The following CREM variants were observed in gnomAD, a reference collection of about 807,000 sequenced individuals.
CREM encodes cAMP-responsive element modulator.
In CREM, 13 loss-of-function variants were observed where a neutral mutation model predicts 37.3. The observed-to-expected ratio is 0.35, with a 90% CI of 0.23 to 0.55. The LOEUF (loss-of-function observed/expected upper bound fraction) is 0.55, where lower values mean the gene tolerates loss of function less well. Ranked by LOEUF, CREM falls within the 20% of genes least tolerant of loss-of-function variation. The probability of loss-of-function intolerance (pLI) is 0.88; values close to 1 mark genes in which losing one functional copy is unlikely to be tolerated. For missense variants in CREM, 296 were observed against 362.3 expected, an observed-to-expected ratio of 0.82 and a Z score of 1.49; for synonymous variants, 124 against 120.2, an observed-to-expected ratio of 1.03 and a Z score of -0.21.
At chr10:35,141,788 C>T (rs2091466812) in intron 2 of CREM, among the ~76,000 whole-genome samples, 1 of 152,062 alleles carries the variant, frequency 6.6e-6, no homozygotes, top group South Asian at 2.1e-4. Context: ...GAAAGCTAAG[C>T]AGAGTCCCGA....
intron 2 of CREM, 62 bp downstream of exon 2, chr10:35,137,941 A>C: frequency 7.5e-7 from 1 of 1,324,726 alleles, no homozygotes; most frequent in East Asian, 2.4e-5. Context: ...GTTCATGATG[A>C]ATAAATTGAT....
At chr10:35,156,240 CCTCTT>C (rs2092906126) in intron 3 of CREM, among the ~76,000 whole-genome samples, 1 of 147,478 alleles carries the variant, frequency 6.8e-6, no homozygotes, top group African/African-American at 2.5e-5. Context: ...TTCCCGGCCA[CCTCTT>C]TTCTTTTCTT....
intron 3 of CREM, among the ~76,000 whole-genome samples, chr10:35,150,003 T>C (rs2092476192): frequency 6.6e-6 from 1 of 150,748 alleles, no homozygotes; most frequent in Non-Finnish European, 1.5e-5. Context: ...ATATAAAAAC[T>C]ATCCATAATC....
chr10:35,173,279 A>G (rs1053116137), intron 3 of CREM, among the ~76,000 whole-genome samples: 2 of 152,196 alleles, frequency 1.3e-5, no homozygotes, highest in East Asian at 3.8e-4. Context: ...ATCCATGAAG[A>G]ATATCCATGA....
intron 6 of CREM, among the ~76,000 whole-genome samples, chr10:35,189,285 G>T (rs2094802615): frequency 1.3e-5 from 2 of 151,832 alleles, no homozygotes; most frequent in South Asian, 4.2e-4. Context: ...TAAAAGTTGA[G>T]ATGTAGCCCT....
At chr10:35,157,147 A>T (rs1372186502) in intron 3 of CREM, among the ~76,000 whole-genome samples, 1 of 152,336 alleles carries the variant, frequency 6.6e-6, no homozygotes, top group Non-Finnish European at 1.5e-5. Flanking sequence ...AAAAGACCAT[A>T]TCATCATCTC....
At chr10:35,205,913 A>G (rs1239426360) in intron 6 of CREM, among the ~76,000 whole-genome samples, 1 of 151,346 alleles carries the variant, frequency 6.6e-6, no homozygotes, top group African/African-American at 2.4e-5. Flanking sequence ...AGCCAAGATT[A>G]CACCACTGCA....
chr10:35,128,004 C>T (rs1183899271), intron 1 of CREM, among the ~76,000 whole-genome samples: 1 of 152,098 alleles, frequency 6.6e-6, no homozygotes, highest in African/African-American at 2.4e-5. Context: ...CGCCACCACG[C>T]CTGCTAATTT....
intron 3 of CREM, among the ~76,000 whole-genome samples, chr10:35,159,020 C>G (rs1048324300): frequency 5.3e-5 from 8 of 151,764 alleles, no homozygotes; most frequent in Admixed American, 5.2e-4. Flanking sequence ...TAATTTTTCC[C>G]CCTAATGCAT....
chr10:35,174,379 T>C (rs2093956543), intron 3 of CREM, among the ~76,000 whole-genome samples: 1 of 152,242 alleles, frequency 6.6e-6, no homozygotes, highest in Non-Finnish European at 1.5e-5. Flanking sequence ...TTTCTAATAG[T>C]GCACCTAGTA....
At chr10:35,180,327 G>A (rs1269783206) in intron 5 of CREM, among the ~76,000 whole-genome samples, 1 of 152,096 alleles carries the variant, frequency 6.6e-6, no homozygotes, top group East Asian at 1.9e-4. Context: ...TTAAAAAGTA[G>A]CAATACCAAG....
Position 35,178,893 on chromosome 10 carries a change from C to A in CREM, c.173C>A (p.Ala58Glu), listed in dbSNP as rs1389478781. ...QNSIPALAQV[A>E]AIAETDESAE... ...TCAGAAAATCTTGTATTATAGGTAGCAGCAATTGCAGAGACAGATGAATCT... is the reference window on the plus strand; with the variant it reads ...TCAGAAAATCTTGTATTATAGGTAGAAGCAATTGCAGAGACAGATGAATCT... Residue 58 changes from alanine to glutamate, a missense_variant, in exon 4 of 8, where the codon GCA (alanine) becomes GAA (glutamate). Physicochemically the swap from Ala to Glu is moderately radical, Grantham distance 107. Transcript: ENST00000685392. The A allele has an allele frequency of 6.2e-7, 1 of 1,606,490 alleles. No homozygotes were observed. The highest frequency in any genetic ancestry group is 8.5e-7 in the Non-Finnish European group (1 of 1,176,464).
chr10:35,168,383 C>T (rs1293224856), intron 3 of CREM, among the ~76,000 whole-genome samples: 1 of 152,240 alleles, frequency 6.6e-6, no homozygotes, highest in Non-Finnish European at 1.5e-5. Context: ...CTGTTGGCTG[C>T]ATAAATGTCT....
intron 3 of CREM, among the ~76,000 whole-genome samples, chr10:35,157,518 C>G (rs2092991626): frequency 6.6e-6 from 1 of 151,816 alleles, no homozygotes; most frequent in Non-Finnish European, 1.5e-5. Flanking sequence ...ACCTGTAAGT[C>G]CCAGCTACTT....
intron 5 of CREM, 88 bp from the exon 6 acceptor site, chr10:35,188,108 TAATA>T: frequency 8.1e-7 from 1 of 1,230,874 alleles, no homozygotes; most frequent in South Asian, 1.6e-5. Context: ...GAAGCAATGG[TAATA>T]AATAGACCCA....
chr10:35,149,104 A>G (rs2092386647), intron 3 of CREM, among the ~76,000 whole-genome samples: 1 of 152,230 alleles, frequency 6.6e-6, no homozygotes, highest in Non-Finnish European at 1.5e-5. Flanking sequence ...TAGGGTAGAC[A>G]GATATTTTAG....
intron 1 of CREM, among the ~76,000 whole-genome samples, chr10:35,134,026 A>G (rs2089959449): frequency 6.6e-6 from 1 of 151,942 alleles, no homozygotes; most frequent in Non-Finnish European, 1.5e-5. Context: ...TTAAGGTATT[A>G]ATTTAACCAC....
chr10:35,186,991 TTA>T (rs2094598516), intron 5 of CREM, among the ~76,000 whole-genome samples: 2 of 89,012 alleles, frequency 2.2e-5, no homozygotes, highest in Non-Finnish European at 3.9e-5. Context: ...GTGATATATA[TTA>T]TATATTATAT....
intron 3 of CREM, among the ~76,000 whole-genome samples, chr10:35,157,540 G>T (rs1273242081): frequency 2.6e-5 from 4 of 151,856 alleles, no homozygotes; most frequent in African/African-American, 9.7e-5. Flanking sequence ...GGAGGCTGAG[G>T]TGGGAGGATG....
Sources: allele counts gnomAD v4.1 joint callset (sites outside exome capture counted in the v4.1 genomes callset), GRCh38; gene constraint gnomAD v4.1.1; transcripts MANE v1.5; gene names NCBI Gene and HGNC (gene_info 2026-07-23, HGNC 2026-07-21).